SPTBN2: variants seen among roughly 807,000 people sequenced by gnomAD.
The protein encoded by SPTBN2 is spectrin beta, non-erythrocytic 2, also known as spectrin beta chain, non-erythrocytic 2.
Under a neutral mutation model 284.2 loss-of-function variants are expected in SPTBN2, and 107 were observed. The ratio of observed to expected loss-of-function variants is 0.38; its 90% confidence interval spans 0.32 to 0.44. The LOEUF is 0.44. Among genes scored for constraint, SPTBN2 ranks in the 20% least tolerant of loss-of-function variants. SPTBN2 has a pLI of 1.00. For synonymous variants in SPTBN2, 1,289 were observed against 1,354.8 expected, an observed-to-expected ratio of 0.95 and a Z score of 1.07; for missense variants, 2,569 against 3,287.1, an observed-to-expected ratio of 0.78 and a Z score of 5.34.
Position 66,715,803 on chromosome 11 carries a change from C to G in SPTBN2, c.309+27G>C. ...CCTTGGACACTTTTCTAAGGCCCCCCCACTTCCCTTCATGACCACAGCTCA... is the reference window on the plus strand; with the variant it reads ...CCTTGGACACTTTTCTAAGGCCCCCGCACTTCCCTTCATGACCACAGCTCA... On this transcript the variant is annotated intron_variant, in intron 4 of 37. Coordinates refer to ENST00000533211, the MANE Select transcript of SPTBN2 (RefSeq NM_006946.4). The surrounding 1 kb of genome is among the most constrained non-coding windows in gnomAD (Gnocchi z 5.3). The G allele has an allele frequency of 6.2e-7, 1 of 1,613,102 alleles. No individual in the cohort carries two copies. Among genetic ancestry groups the G allele is most frequent in the Non-Finnish European group, 8.5e-7 (1 of 1,179,714 alleles).
chr11:66,687,575 A>G lies in SPTBN2; in HGVS notation c.6574T>C (p.Ser2192Pro). The G allele has an allele frequency of 1.2e-6, 2 of 1,611,656 alleles. No individual in the cohort carries two copies. Among genetic ancestry groups the G allele is most frequent in the Non-Finnish European group, 1.7e-6 (2 of 1,179,778 alleles). ...RQTRTRGPAP[S>P]AMPQSRSTES... is the part of the protein sequence containing the mutation. ...GTAGACCTGCTCTGGGGCATTGCAG[A>G]TGGGGCCGGGCCCCGAGTCCGGGTC... Residue 2192 changes from serine (S) to proline (P), a missense_variant, in exon 35 of 38, where the codon TCT (serine) becomes CCT (proline). Physicochemically the swap from Ser to Pro is moderately conservative, Grantham distance 74. Coordinates refer to ENST00000533211, the MANE Select transcript of SPTBN2 (RefSeq NM_006946.4). This position sits in a 1 kb window ranked among gnomAD's most constrained non-coding sequence, Gnocchi z 5.2.
At chr11:66,711,795 G>A (rs1213718705) in intron 8 of SPTBN2, among the ~76,000 whole-genome samples, 2 of 152,170 alleles carry the variant, frequency 1.3e-5, no homozygotes, top group African/African-American at 4.8e-5. Flanking sequence ...TTATTTCCAG[G>A]TTCTGAATTA....
At chr11:66,704,439 G>A (rs1235695795) in intron 15 of SPTBN2, among the ~76,000 whole-genome samples, 159 bp downstream of exon 15, 1 of 152,190 alleles carries the variant, frequency 6.6e-6, no homozygotes, top group East Asian at 1.9e-4. Context: ...GTCTCTACTT[G>A]TGAGTATGGT....
intron 3 of SPTBN2, among the ~76,000 whole-genome samples, chr11:66,720,599 C>T (rs969234027): frequency 6.6e-6 from 1 of 152,068 alleles, no homozygotes; most frequent in African/African-American, 2.4e-5. Flanking sequence ...CTTCAGGGAA[C>T]AGGCAGATGA....
intron 1 of SPTBN2, among the ~76,000 whole-genome samples, chr11:66,725,846 T>C (rs1942602460): frequency 6.6e-6 from 1 of 152,188 alleles, no homozygotes; most frequent in Non-Finnish European, 1.5e-5. Flanking sequence ...CATGTTAAGC[T>C]AGAAATCCTA....
rs374787500 is a variant in SPTBN2 at position 66,708,210 on chromosome 11, G to A, written c.1281C>T (p.Ala427=). 1.8e-5 allele frequency: 29 copies of A among 1,611,836 alleles called. No homozygotes were observed. The highest frequency in any genetic ancestry group is 8.8e-5 in the South Asian group (8 of 91,056). The change falls in exon 12 of 38, where the codon GCC becomes GCT. Residue 427 remains alanine, a synonymous_variant. Coordinates refer to ENST00000533211, the MANE Select transcript of SPTBN2 (RefSeq NM_006946.4). This position sits in a 1 kb window ranked among gnomAD's most constrained non-coding sequence, Gnocchi z 4.4. ...TGGCAGCCTTGCGGTCGAAGCGGGC[G>A]GCCAGCTGCTCCAGCTTCTCCTGGC... The part of the protein sequence containing the change: ...LIRQEKLEQL[A]ARFDRKAAMR...
In SPTBN2 at chr11:66,713,736, G is replaced by A; in HGVS notation, c.667C>T (p.Leu223=). 6.2e-7 allele frequency: 1 copy of A among 1,613,740 alleles called. No homozygotes were observed. The highest frequency in any genetic ancestry group is 8.5e-7 in the Non-Finnish European group (1 of 1,179,722). ...AIVHKHRPDL[L]DFESLKKCNA... is the part of the protein sequence containing the mutation. ...CACTTCTTCAGAGACTCAAAATCCAGCAGGTCTGGCCTGGGTGGGGAGGCA... is the reference window on the plus strand; with the variant it reads ...CACTTCTTCAGAGACTCAAAATCCAACAGGTCTGGCCTGGGTGGGGAGGCA... The change falls in exon 8 of 38, where the codon CTG becomes TTG. Residue 223 remains leucine, a synonymous_variant. Coordinates refer to ENST00000533211, the MANE Select transcript of SPTBN2 (RefSeq NM_006946.4).
chr11:66,725,860 C>T (rs923011662), intron 1 of SPTBN2, among the ~76,000 whole-genome samples: 1 of 152,128 alleles, frequency 6.6e-6, no homozygotes, highest in Non-Finnish European at 1.5e-5. Flanking sequence ...AATCCTATAC[C>T]CTGGGCTACA....
At chr11:66,712,424 G>A (rs118014573) in intron 8 of SPTBN2, among the ~76,000 whole-genome samples, 3,565 of 152,166 alleles carry the variant, frequency 0.023, 48 homozygotes, top group Middle Eastern at 0.082. Context: ...GGATGCGCCT[G>A]TAATCTCAGC....
Position 66,722,428 on chromosome 11 carries a change from T to A in SPTBN2, c.-113-988A>T, listed in dbSNP as rs1942456544. ...GTCTCTACTAAAAAATACAAAAAAT[T>A]AGCTGGGTGTGGTGGTGGGTGCCTG... On this transcript the variant is annotated intron_variant, in intron 1 of 37. Transcript: ENST00000533211. 4.6e-5 allele frequency among the ~76,000 whole-genome samples: 7 copies of A among 150,922 alleles called. No homozygotes were observed. In the South Asian group the frequency reaches 1.5e-3, roughly 32 times the overall value.
chr11:66,727,364 C>G (rs1279783869), intron 1 of SPTBN2, among the ~76,000 whole-genome samples: 1 of 152,170 alleles, frequency 6.6e-6, no homozygotes, highest in Non-Finnish European at 1.5e-5. Flanking sequence ...GGAGGGCAGA[C>G]GACATGTAGC....
intron 1 of SPTBN2, 62 bp from the exon 2 acceptor site, chr11:66,721,502 G>A (rs1942400960): frequency 1.9e-6 from 1 of 533,104 alleles, no homozygotes; most frequent in Admixed American, 3.0e-5. Flanking sequence ...GCAGCTCAGA[G>A]CAATGCGGTG....
rs1940666380 is a variant in SPTBN2, at chr11:66,692,999, C to A, written c.4956G>T (p.Gln1652His). Residue 1652 changes from glutamine to histidine, a missense_variant, in exon 25 of 38, where the codon CAG becomes CAT. Coordinates refer to ENST00000533211, the MANE Select transcript of SPTBN2 (RefSeq NM_006946.4). ...CTGGGTGCTCGTGGTCAATCATGTC[C>A]TGGCTGCTGGCCGCCAGCTGGTGGA... ...QTIHQLAASS[Q>H]DMIDHEHPES... 3 of 1,609,290 alleles carry A rather than the reference C, an allele frequency of 1.9e-6. No homozygotes were observed. Among genetic ancestry groups the A allele is most frequent in the Non-Finnish European group, 2.5e-6 (3 of 1,179,990 alleles).
chr11:66,698,610 C>G, intron 20 of SPTBN2, 29 bp downstream of exon 20: 1 of 1,613,944 alleles, frequency 6.2e-7, no homozygotes, highest in Non-Finnish European at 8.5e-7. Flanking sequence ...GGGACTCTGC[C>G]CAGAGGCAGC....
In SPTBN2 at chr11:66,691,176, C is replaced by T. The variant is rs1033131885; in HGVS notation, c.5565+108G>A. 78 of 1,410,708 alleles carry T rather than the reference C, an allele frequency of 5.5e-5. No individual in the cohort carries two copies. The highest frequency in any genetic ancestry group is 6.6e-5 in the Non-Finnish European group (70 of 1,066,404). The allele number at this position is 1,410,708 out of a possible 1,614,324, so 87.4% of individuals were successfully genotyped here. On this transcript the variant is annotated intron_variant, in intron 27 of 37. Coordinates refer to ENST00000533211, the MANE Select transcript of SPTBN2 (RefSeq NM_006946.4). The surrounding 1 kb of genome is among the most constrained non-coding windows in gnomAD (Gnocchi z 8.0). Reference sequence around the variant, plus strand: ...CTCGAAATGGCCCTCGAAAGAGTGCCGTCCTCCCAGCATTTCTGAGCTCTA... The same window carrying T: ...CTCGAAATGGCCCTCGAAAGAGTGCTGTCCTCCCAGCATTTCTGAGCTCTA...
rs1940422007 is a variant in SPTBN2 at position 66,689,945 on chromosome 11, T to C, written c.5811-2A>G. The C allele has an allele frequency of 6.2e-7, 1 of 1,613,520 alleles. No individual in the cohort carries two copies. Among genetic ancestry groups the C allele is most frequent in the South Asian group, 1.1e-5 (1 of 91,064 alleles). ...ACTAGATCCGCGGAGGACACATCCC[T>C]GGGGGGAGGCAGAAACAGCATCACC... On this transcript the variant is annotated splice_acceptor_variant, in intron 28 of 37. Transcript: ENST00000533211. LOFTEE classifies it high-confidence loss of function.
At chr11:66,702,960 A>AAAC (rs1941329602) in intron 15 of SPTBN2, among the ~76,000 whole-genome samples, 1 of 149,638 alleles carries the variant, frequency 6.7e-6, no homozygotes, top group African/African-American at 2.5e-5. Context: ...AAAAAAAAAA[A>AAAC]CCAAAAAAAA....
chr11:66,734,583 T>C (rs1382171672), intron 1 of SPTBN2, among the ~76,000 whole-genome samples: 1 of 152,218 alleles, frequency 6.6e-6, no homozygotes, highest in Non-Finnish European at 1.5e-5. Context: ...TCAATTTAGA[T>C]GTTACTTCCT....
Position 66,687,732 on chromosome 11 carries a change from G to T in SPTBN2, c.6502-85C>A. The stretch of plus-strand genomic sequence containing the variant: ...CAGGAAGCTCCGTGTCCAGGAGTTG[G>T]TCTTCCTGCCCCCAAGCTGCCTGTG... On this transcript the variant is annotated intron_variant, in intron 34 of 37. Transcript: ENST00000533211. This position sits in a 1 kb window ranked among gnomAD's most constrained non-coding sequence, Gnocchi z 5.2. 6.3e-7 allele frequency: 1 copy of T among 1,581,494 alleles called. No homozygotes were observed.
Sources: allele counts gnomAD v4.1 joint callset (sites outside exome capture counted in the v4.1 genomes callset), GRCh38; gene constraint gnomAD v4.1.1; non-coding constraint Gnocchi (gnomAD v3.1); transcripts MANE v1.5; gene names NCBI Gene and HGNC (gene_info 2026-07-23, HGNC 2026-07-21).